CDH18: variants seen among roughly 807,000 people sequenced by gnomAD.
CDH18 encodes the protein cadherin 18.
In CDH18, 31 loss-of-function variants were observed where a neutral mutation model predicts 67.9. The ratio of observed to expected loss-of-function variants is 0.46; its 90% CI spans 0.34 to 0.62. The LOEUF (loss-of-function observed/expected upper bound fraction) is 0.62. Ranked by LOEUF, CDH18 falls within the 20% of genes least tolerant of loss-of-function variation. CDH18 has a pLI of 0.01. For missense variants in CDH18, 890 were observed against 975.5 expected (o/e 0.91, Z 1.17); for synonymous variants, 362 against 347.2 (o/e 1.04, Z -0.48).
Position 19,703,095 on chromosome 5 carries a change from C to T in CDH18, c.643+18252G>A, listed in dbSNP as rs191637135. Among the ~76,000 whole-genome samples the T allele has an allele frequency of 7.6e-4, 115 of 152,226 alleles. 2 individuals are homozygous for T. The highest frequency in any genetic ancestry group is 4.6e-3 in the Admixed American group (71 of 15,288). ...TCTCAGCTCTGAAGGCTGTCAGCCC[C>T]GATTCCTACTCCGCACTCCATATTT... On this transcript the variant is annotated intron_variant, in intron 5 of 12. Transcript: ENST00000382275.
chr5:19,571,490 A>C, intron 8 of CDH18, 89 bp downstream of exon 8: 1 of 1,170,812 alleles, frequency 8.5e-7, no homozygotes, highest in South Asian at 1.7e-5. Context: ...GTAGAAATAA[A>C]ACATTTTAAG....
intron 3 of CDH18, among the ~76,000 whole-genome samples, chr5:19,776,192 T>C (rs1375162074): frequency 6.6e-6 from 1 of 152,138 alleles, no homozygotes; most frequent in East Asian, 1.9e-4. Flanking sequence ...TTTGACACAA[T>C]AAAGAAAATT....
intron 5 of CDH18, among the ~76,000 whole-genome samples, chr5:19,689,511 C>G (rs1012939323): frequency 3.3e-5 from 5 of 151,892 alleles, no homozygotes; most frequent in Non-Finnish European, 7.4e-5. Context: ...ATTAGATCAT[C>G]CCTACAAGAA....
At chr5:20,214,659 A>G (rs1176081160) in intron 2 of CDH18, among the ~76,000 whole-genome samples, 1 of 151,800 alleles carries the variant, frequency 6.6e-6, no homozygotes. Flanking sequence ...TTGAAACTGG[A>G]CCCCTTTCTT....
At chr5:19,624,842 C>A (rs1751273493) in intron 5 of CDH18, among the ~76,000 whole-genome samples, 1 of 152,102 alleles carries the variant, frequency 6.6e-6, no homozygotes, top group African/African-American at 2.4e-5. Context: ...GCATGCTACA[C>A]TGAAAATACT....
At chr5:19,947,867 C>T (rs1320723048) in intron 2 of CDH18, among the ~76,000 whole-genome samples, 1 of 152,030 alleles carries the variant, frequency 6.6e-6, no homozygotes, top group East Asian at 1.9e-4. Context: ...AAAATATTTG[C>T]AGACCACACA....
At chr5:20,471,325 C>T (rs1005541202) in intron 1 of CDH18, among the ~76,000 whole-genome samples, 4 of 152,090 alleles carry the variant, frequency 2.6e-5, no homozygotes, top group Non-Finnish European at 2.9e-5. Flanking sequence ...ATAACCTCAT[C>T]GGAGTTATTG....
intron 1 of CDH18, among the ~76,000 whole-genome samples, chr5:20,489,001 T>C (rs1018300707): frequency 2.6e-5 from 4 of 152,000 alleles, no homozygotes; most frequent in South Asian, 4.1e-4. Context: ...AGACTCCATA[T>C]TCCTCAGATG....
At chr5:19,550,418 C>T (rs565725472) in intron 8 of CDH18, among the ~76,000 whole-genome samples, 1 of 152,058 alleles carries the variant, frequency 6.6e-6, no homozygotes, top group South Asian at 2.1e-4. Flanking sequence ...CCCCACTCCC[C>T]CCACCCCACA....
At chr5:19,597,183 G>A (rs890538426) in intron 6 of CDH18, among the ~76,000 whole-genome samples, 8 of 152,172 alleles carry the variant, frequency 5.3e-5, no homozygotes, top group African/African-American at 1.9e-4. Context: ...AAAGCCATGT[G>A]AGTAAGCTGG....
At chr5:20,305,887 G>A (rs779912322) in intron 1 of CDH18, 10 of 176,694 alleles carry the variant, frequency 5.7e-5, no homozygotes, top group Non-Finnish European at 1.1e-4. Context: ...CTTGTATACA[G>A]GTACCTATAT....
chr5:20,333,124 A>G (rs545779518), intron 1 of CDH18, among the ~76,000 whole-genome samples: 2 of 152,132 alleles, frequency 1.3e-5, no homozygotes, highest in South Asian at 4.1e-4. Context: ...TATAATAGAT[A>G]TGAGAATTTA....
intron 2 of CDH18, among the ~76,000 whole-genome samples, chr5:20,243,208 G>A (rs1743123459): frequency 6.6e-6 from 1 of 152,096 alleles, no homozygotes; most frequent in Non-Finnish European, 1.5e-5. Flanking sequence ...CATAGGAGTT[G>A]TCCATAGGCT....
At chr5:19,502,553 G>A (rs1033152598) in intron 11 of CDH18, 1 of 280,102 alleles carries the variant, frequency 3.6e-6, no homozygotes, top group African/African-American at 2.2e-5. Context: ...ATAATAACAA[G>A]AGGAAATATA....
chr5:19,571,077 T>G (rs112291876), intron 8 of CDH18, among the ~76,000 whole-genome samples: 1,909 of 152,290 alleles, frequency 0.013, 34 homozygotes, highest in African/African-American at 0.042. Flanking sequence ...GCTGAGTGCT[T>G]TACGCACATT....
chr5:19,972,309 A>G (rs938785146), intron 2 of CDH18, among the ~76,000 whole-genome samples: 2 of 152,050 alleles, frequency 1.3e-5, no homozygotes, highest in South Asian at 2.1e-4. Flanking sequence ...TTCTACTTGC[A>G]AAACTATTAA....
intron 2 of CDH18, among the ~76,000 whole-genome samples, chr5:19,968,228 G>A (rs1363223465): frequency 6.6e-6 from 1 of 152,008 alleles, no homozygotes; most frequent in South Asian, 2.1e-4. Flanking sequence ...CATGCTCATG[G>A]GTGGGAAGAA....
intron 2 of CDH18, among the ~76,000 whole-genome samples, chr5:19,926,475 T>C (rs1360352577): frequency 1.3e-5 from 2 of 152,086 alleles, no homozygotes. Context: ...TCTTTGGTAA[T>C]CAAAATATTC....
intron 3 of CDH18, among the ~76,000 whole-genome samples, chr5:19,796,201 A>C (rs1226696244): frequency 6.6e-6 from 1 of 152,138 alleles, no homozygotes; most frequent in Non-Finnish European, 1.5e-5. Flanking sequence ...GGTGAAAATC[A>C]AAACCTACAG....
Sources: gnomAD v4.1 joint callset for allele counts (sites outside exome capture counted in the v4.1 genomes callset) on GRCh38, gnomAD v4.1.1 for gene constraint, MANE v1.5 for transcripts, NCBI Gene and HGNC (gene_info 2026-07-23, HGNC 2026-07-21) for gene names.